The following NCK2 variants were observed in gnomAD, a reference collection of about 807,000 sequenced individuals.
The protein encoded by NCK2 is cytoplasmic protein NCK2.
In NCK2, 16 loss-of-function variants were observed where a neutral mutation model predicts 33.9. The observed-to-expected ratio is 0.47, with a 90% CI of 0.32 to 0.72. NCK2 has a LOEUF of 0.72. Among genes scored for constraint, NCK2 ranks in the 30% least tolerant of loss-of-function variants. NCK2 has a pLI of 0.03. For missense variants in NCK2, 418 were observed against 537.3 expected, an observed-to-expected ratio of 0.78 and a Z score of 2.19; for synonymous variants, 273 against 239.9, an observed-to-expected ratio of 1.14 and a Z score of -1.27.
rs867869569 is a variant in NCK2 at position 105,882,555 on chromosome 2, C to A, written c.948+506C>A. Reference sequence around the variant, plus strand: ...AGGCAGCGCCACTGAGTTCATCTCTCAAAAGCTTTTAAAGCACTTACGAGA... The same window carrying A: ...AGGCAGCGCCACTGAGTTCATCTCTAAAAAGCTTTTAAAGCACTTACGAGA... On this transcript the variant is annotated intron_variant, in intron 4 of 4. Coordinates refer to ENST00000233154, the MANE Select transcript of NCK2 (RefSeq NM_003581.5). Among the ~76,000 whole-genome samples, 19 of 152,134 alleles carry A rather than the reference C, an allele frequency of 1.2e-4. 1 individual carries two copies. Among genetic ancestry groups the A allele is most frequent in the Non-Finnish European group, 7.4e-5 (5 of 68,018 alleles).
At chr2:105,784,862 G>A (rs531056366) in intron 1 of NCK2, among the ~76,000 whole-genome samples, 79 of 152,340 alleles carry the variant, frequency 5.2e-4, no homozygotes, top group African/African-American at 1.7e-3. Flanking sequence ...TAGGATACAC[G>A]AGTAAAGTTA....
At chr2:105,757,337 G>A (rs764223468) in intron 1 of NCK2, among the ~76,000 whole-genome samples, 2 of 152,134 alleles carry the variant, frequency 1.3e-5, no homozygotes, top group East Asian at 3.9e-4. Flanking sequence ...AATTGAGATG[G>A]GACAGGTCCT....
intron 2 of NCK2, among the ~76,000 whole-genome samples, chr2:105,839,883 A>G (rs1397900717): frequency 6.6e-6 from 1 of 152,232 alleles, no homozygotes; most frequent in Non-Finnish European, 1.5e-5. Flanking sequence ...AGGAAGGGTC[A>G]GCAAGGGACA....
chr2:105,799,300 TA>T, intron 1 of NCK2, among the ~76,000 whole-genome samples: 1 of 152,310 alleles, frequency 6.6e-6, no homozygotes, highest in Non-Finnish European at 1.5e-5. Context: ...TTCAGGGTTA[TA>T]AAGGGTGTTT....
intron 3 of NCK2, among the ~76,000 whole-genome samples, chr2:105,864,974 C>T (rs1468976479): frequency 1.3e-5 from 2 of 152,026 alleles, no homozygotes; most frequent in Non-Finnish European, 2.9e-5. Context: ...ACACGAGTAC[C>T]TTCAACTAAA....
chr2:105,749,971 A>C (rs981631318), intron 1 of NCK2, among the ~76,000 whole-genome samples: 1 of 151,686 alleles, frequency 6.6e-6, no homozygotes, highest in Non-Finnish European at 1.5e-5. Flanking sequence ...CGGAGGTTGC[A>C]GTGAGCCAAG....
intron 1 of NCK2, among the ~76,000 whole-genome samples, chr2:105,812,682 C>T (rs1007273887): frequency 3.3e-5 from 5 of 152,130 alleles, no homozygotes; most frequent in African/African-American, 1.2e-4. Flanking sequence ...AGGACAATTG[C>T]CTTAGCTCTG....
In NCK2 at chr2:105,794,583, A is replaced by G. The variant is rs533252014; in HGVS notation, c.-200-21847A>G. Among the ~76,000 whole-genome samples, 208 of 152,308 alleles carry G rather than the reference A, an allele frequency of 1.4e-3. 1 individual carries two copies. Among genetic ancestry groups the G allele is most frequent in the South Asian group, 3.9e-3 (19 of 4,830 alleles). On this transcript the variant is annotated intron_variant, in intron 1 of 4. Coordinates refer to ENST00000233154, the MANE Select transcript of NCK2 (RefSeq NM_003581.5). ...AATACAGTCCAATTATTGTATTTCA[A>G]AGTCTTTCAGGATAATTCCTCTCTG...
intron 1 of NCK2, among the ~76,000 whole-genome samples, chr2:105,813,307 GAA>G (rs1302732248): frequency 6.6e-6 from 1 of 152,206 alleles, no homozygotes; most frequent in Non-Finnish European, 1.5e-5. Flanking sequence ...TGAGCCTCCT[GAA>G]GGCTGACTTT....
At chr2:105,752,788 G>A (rs1365011167) in intron 1 of NCK2, among the ~76,000 whole-genome samples, 1 of 152,022 alleles carries the variant, frequency 6.6e-6, no homozygotes, top group African/African-American at 2.4e-5. Context: ...TTTTTTTATG[G>A]CTGAATAGTC....
intron 3 of NCK2, among the ~76,000 whole-genome samples, chr2:105,879,552 G>T (rs1167610675): frequency 6.6e-6 from 1 of 152,244 alleles, no homozygotes; most frequent in Admixed American, 6.5e-5. Flanking sequence ...GCTTACTCTT[G>T]TGTTTCCCAT....
At chr2:105,877,513 A>T (rs1158229252) in intron 3 of NCK2, among the ~76,000 whole-genome samples, 1 of 152,128 alleles carries the variant, frequency 6.6e-6, no homozygotes. Context: ...TGTCACTGGT[A>T]TTACACTTCT....
chr2:105,754,005 T>C (rs2104335931), intron 1 of NCK2, among the ~76,000 whole-genome samples: 1 of 152,260 alleles, frequency 6.6e-6, no homozygotes, highest in African/African-American at 2.4e-5. Context: ...AACCTACCCT[T>C]TTGTGTTAGG....
chr2:105,832,940 T>C (rs1167854185), intron 2 of NCK2, among the ~76,000 whole-genome samples: 2 of 151,744 alleles, frequency 1.3e-5, no homozygotes, highest in Non-Finnish European at 2.9e-5. Flanking sequence ...TTTGTCTTTA[T>C]AAGTTTGGAA....
At chr2:105,780,317 G>GAT (rs1468166648) in intron 1 of NCK2, among the ~76,000 whole-genome samples, 2 of 91,406 alleles carry the variant, frequency 2.2e-5, no homozygotes, top group Admixed American at 1.2e-4. Flanking sequence ...ATATGGGAGA[G>GAT]AGATATATAC....
intron 3 of NCK2, among the ~76,000 whole-genome samples, chr2:105,863,848 C>T (rs1339926241): frequency 6.6e-6 from 1 of 152,174 alleles, no homozygotes; most frequent in Non-Finnish European, 1.5e-5. Context: ...GCCGCTGAAG[C>T]TTCTGAGCCT....
chr2:105,817,666 G>A (rs6730190), intron 2 of NCK2, among the ~76,000 whole-genome samples: 48,946 of 151,930 alleles, frequency 0.32, 10,372 homozygotes, highest in African/African-American at 0.59. Flanking sequence ...CAGCCAAAAG[G>A]CACATGAAAA....
At chr2:105,820,455 C>T (rs1209621729) in intron 2 of NCK2, among the ~76,000 whole-genome samples, 3 of 152,152 alleles carry the variant, frequency 2.0e-5, no homozygotes, top group South Asian at 2.1e-4. Context: ...AGGAGGATGG[C>T]GGTGTCTGAG....
intron 2 of NCK2, among the ~76,000 whole-genome samples, chr2:105,831,053 T>C (rs1676166498): frequency 6.6e-6 from 1 of 152,222 alleles, no homozygotes; most frequent in Non-Finnish European, 1.5e-5. Flanking sequence ...ATTATTTCCT[T>C]TGCTGTGCAA....
Sources: gnomAD v4.1 joint callset for allele counts (sites outside exome capture counted in the v4.1 genomes callset) on GRCh38, gnomAD v4.1.1 for gene constraint, MANE v1.5 for transcripts, NCBI Gene and HGNC (gene_info 2026-07-23, HGNC 2026-07-21) for gene names.